Variants in CFAP20DC observed in about 807,000 individuals in gnomAD.
CFAP20DC encodes protein CFAP20DC.
CFAP20DC carries 84 observed loss-of-function variants against 101.7 expected under a neutral mutation model. The observed-to-expected ratio is 0.83, with a 90% confidence interval of 0.69 to 0.99. The LOEUF is 0.99. Among genes scored for constraint, CFAP20DC ranks in the 50% least tolerant of loss-of-function variants. The pLI, the probability that CFAP20DC is intolerant of heterozygous loss-of-function variation, is 0.00. For synonymous variants in CFAP20DC, 359 were observed against 351.2 expected (o/e 1.02, Z -0.25); for missense variants, 1,007 against 970.3 (o/e 1.04, Z -0.50).
At chr3:58,905,818 G>T (rs1363970159) in intron 6 of CFAP20DC, among the ~76,000 whole-genome samples, 3 of 152,140 alleles carry the variant, frequency 2.0e-5, no homozygotes, top group Non-Finnish European at 4.4e-5. Flanking sequence ...AAAGACAAAA[G>T]ATATCTGTTA....
intron 5 of CFAP20DC, among the ~76,000 whole-genome samples, chr3:58,925,893 G>C (rs1489820905): frequency 6.6e-6 from 1 of 152,116 alleles, no homozygotes; most frequent in African/African-American, 2.4e-5. Flanking sequence ...AAAATGGGGT[G>C]ACCCTAAAAC....
intron 12 of CFAP20DC, chr3:58,862,676 TATAA>T: frequency 1.0e-6 from 1 of 981,048 alleles, no homozygotes; most frequent in Non-Finnish European, 1.2e-6. Flanking sequence ...TCAGTTACGT[TATAA>T]AAATATTTTG....
At chr3:58,889,369 C>T (rs1235325339) in intron 6 of CFAP20DC, among the ~76,000 whole-genome samples, 1 of 152,126 alleles carries the variant, frequency 6.6e-6, no homozygotes, top group Non-Finnish European at 1.5e-5. Context: ...AATAGGAAAG[C>T]TTGGAAAGCT....
chr3:58,978,173 C>A (rs1355601831), intron 4 of CFAP20DC, among the ~76,000 whole-genome samples: 1 of 152,090 alleles, frequency 6.6e-6, no homozygotes, highest in Non-Finnish European at 1.5e-5. Context: ...TACCATTTAC[C>A]TTCCTTCCTA....
chr3:58,888,631 G>A (rs1576148705), intron 6 of CFAP20DC, among the ~76,000 whole-genome samples: 1 of 152,070 alleles, frequency 6.6e-6, no homozygotes, highest in East Asian at 1.9e-4. Flanking sequence ...TCATCATTCA[G>A]CTCCCACTTA....
intron 14 of CFAP20DC, among the ~76,000 whole-genome samples, chr3:58,818,031 A>G (rs1332653207): frequency 3.3e-5 from 5 of 151,066 alleles, no homozygotes; most frequent in Non-Finnish European, 7.4e-5. Flanking sequence ...TTTCATATCC[A>G]GCCAAACTAA....
chr3:59,020,716 A>G (rs1164874723), intron 4 of CFAP20DC, among the ~76,000 whole-genome samples: 1 of 152,032 alleles, frequency 6.6e-6, no homozygotes, highest in East Asian at 1.9e-4. Context: ...CCACACATAT[A>G]TGAGGAGAAG....
intron 15 of CFAP20DC, among the ~76,000 whole-genome samples, chr3:58,797,470 G>GAATAAAAGTTTTGAGTT (rs2073344580): frequency 6.6e-6 from 1 of 152,100 alleles, no homozygotes. Flanking sequence ...GGAAGCTGGA[G>GAATAAAAGTTTTGAGTT]AATAAAAGTT....
intron 5 of CFAP20DC, among the ~76,000 whole-genome samples, chr3:58,931,233 T>A (rs1253408116): frequency 6.6e-6 from 1 of 152,094 alleles, no homozygotes; most frequent in African/African-American, 2.4e-5. Context: ...GTGCGCGCCA[T>A]TGCCCAGGCT....
intron 6 of CFAP20DC, among the ~76,000 whole-genome samples, chr3:58,895,924 C>G (rs1366659918): frequency 6.6e-6 from 1 of 152,184 alleles, no homozygotes; most frequent in African/African-American, 2.4e-5. Flanking sequence ...TCTTGTGAGA[C>G]TTATTCGCTA....
At position 58,913,780 on chromosome 3, in the gene CFAP20DC, C is replaced by T. The variant is rs763303670; in HGVS notation, c.478G>A (p.Val160Ile). The T allele has an allele frequency of 4.3e-6, 7 of 1,613,630 alleles. No homozygotes were observed. Among genetic ancestry groups the T allele is most frequent in the Non-Finnish European group, 5.1e-6 (6 of 1,179,738 alleles). ...AVFQSLDGIV[V>I]SANCKLRKIF... ...TTCCGTAGCTTACAGTTAGCTGAGA[C>T]AACAATTCCATCCAATGACTGGAAA... The change falls in exon 6 of 17, where the codon GTC (valine) becomes ATC (isoleucine). Residue 160 changes from valine (V) to isoleucine (I), a missense_variant. By Grantham distance (29) the Val-to-Ile change is conservative (BLOSUM62 3). Coordinates refer to ENST00000482387, the MANE Select transcript of CFAP20DC (RefSeq NM_001394063.1). This position sits in a 1 kb window ranked among gnomAD's most constrained non-coding sequence, Gnocchi z 4.4.
At chr3:58,847,566 C>G (rs1433783383) in intron 13 of CFAP20DC, among the ~76,000 whole-genome samples, 4 of 152,138 alleles carry the variant, frequency 2.6e-5, no homozygotes, top group Non-Finnish European at 5.9e-5. Context: ...TACACTGTTG[C>G]TGGGACTGTA....
chr3:58,975,459 A>G (rs2092221986), intron 4 of CFAP20DC, among the ~76,000 whole-genome samples: 1 of 152,194 alleles, frequency 6.6e-6, no homozygotes, highest in East Asian at 1.9e-4. Flanking sequence ...TGTAGAGACA[A>G]TGAATTTATA....
At chr3:58,891,146 A>C (rs1387879824) in intron 6 of CFAP20DC, among the ~76,000 whole-genome samples, 5 of 151,728 alleles carry the variant, frequency 3.3e-5, no homozygotes, top group African/African-American at 1.2e-4. Flanking sequence ...TTGAGCACTG[A>C]GTGAACGAGA....
chr3:58,765,108 G>A (rs1575586726), intron 15 of CFAP20DC, among the ~76,000 whole-genome samples: 1 of 152,244 alleles, frequency 6.6e-6, no homozygotes. Context: ...CCTGAGTAGG[G>A]CTGAATCAGT....
chr3:58,766,487 A>G (rs1015299400), intron 15 of CFAP20DC, among the ~76,000 whole-genome samples: 1 of 151,696 alleles, frequency 6.6e-6, no homozygotes, highest in African/African-American at 2.4e-5. Context: ...CTCTTACTTG[A>G]TCTCCTCATA....
chr3:58,759,919 G>A (rs1369189407), intron 15 of CFAP20DC, among the ~76,000 whole-genome samples: 1 of 152,174 alleles, frequency 6.6e-6, no homozygotes. Flanking sequence ...CCAGTACCAT[G>A]CTGTTTTGGT....
intron 4 of CFAP20DC, among the ~76,000 whole-genome samples, chr3:58,947,138 G>C (rs1287352425): frequency 6.6e-6 from 1 of 152,180 alleles, no homozygotes; most frequent in East Asian, 1.9e-4. Flanking sequence ...ACCTGGCTCA[G>C]TGTTTTTAAA....
chr3:58,903,009 T>C (rs1349616885), intron 6 of CFAP20DC, among the ~76,000 whole-genome samples: 11 of 152,282 alleles, frequency 7.2e-5, no homozygotes, highest in Non-Finnish European at 1.2e-4. Context: ...TAGAATATAC[T>C]AGAATGTTTT....
Sources: gnomAD v4.1 joint callset for allele counts (sites outside exome capture counted in the v4.1 genomes callset) on GRCh38, gnomAD v4.1.1 for gene constraint, Gnocchi (gnomAD v3.1) non-coding constraint, MANE v1.5 for transcripts, NCBI Gene and HGNC (gene_info 2026-07-23, HGNC 2026-07-21) for gene names.